The following SKIL variants were observed in gnomAD, a reference collection of about 807,000 sequenced individuals.
SKIL encodes the protein ski-like protein.
In SKIL, 20 loss-of-function variants were observed where a neutral mutation model predicts 69.6. The ratio of observed to expected loss-of-function variants is 0.29; its 90% CI spans 0.20 to 0.42. The LOEUF is 0.42. SKIL is among the 10% of genes least tolerant of loss of function. The pLI, the probability that SKIL is intolerant of heterozygous loss-of-function variation, is 1.00. For synonymous variants in SKIL, 310 were observed against 279.9 expected, an observed-to-expected ratio of 1.11 and a Z score of -1.08; for missense variants, 745 against 783.1, an observed-to-expected ratio of 0.95 and a Z score of 0.58.
At chr3:170,372,558 T>G (rs1736843939) in intron 2 of SKIL, among the ~76,000 whole-genome samples, 1 of 152,266 alleles carries the variant, frequency 6.6e-6, no homozygotes, top group Non-Finnish European at 1.5e-5. Context: ...TTTCATTTAT[T>G]GAAACACTAA....
Position 170,365,422 on chromosome 3 carries a change from A to G in SKIL, c.1098+3993A>G, listed in dbSNP as rs528558521. On this transcript the variant is annotated intron_variant, in intron 2 of 6. Coordinates refer to ENST00000259119, the MANE Select transcript of SKIL (RefSeq NM_005414.5). Reference sequence around the variant, plus strand: ...TTTTGAATGCTGACATGGCACTCACAGGAAATGCTCATTGGAGTATTTCAG... The same window carrying G: ...TTTTGAATGCTGACATGGCACTCACGGGAAATGCTCATTGGAGTATTTCAG... 2.0e-5 allele frequency among the ~76,000 whole-genome samples: 3 copies of G among 152,298 alleles called. No individual in the cohort carries two copies. The South Asian group carries it at 6.2e-4, about 32-fold the overall frequency.
Position 170,390,337 on chromosome 3 carries a change from C to T in SKIL, c.1544C>T (p.Pro515Leu), listed in dbSNP as rs770563584. 5.6e-6 allele frequency: 9 copies of T among 1,613,952 alleles called. No individual in the cohort carries two copies. Among genetic ancestry groups the T allele is most frequent in the East Asian group, 4.5e-5 (2 of 44,874 alleles). ...GIGLVAAASS[P>L]LLVKDVICED... ...GGCCTTGTTGCTGCCGCTTCATCTC[C>T]GCTTCTTGTGAAAGATGTCATTTGT... Residue 515 changes from proline to leucine, a missense_variant, in exon 5 of 7, where the codon CCG (proline) becomes CTG (leucine). By Grantham distance (98) the Pro-to-Leu change is moderately conservative. Coordinates refer to ENST00000259119, the MANE Select transcript of SKIL (RefSeq NM_005414.5).
At chr3:170,388,795 C>T (rs902383206) in intron 4 of SKIL, among the ~76,000 whole-genome samples, 4 of 151,934 alleles carry the variant, frequency 2.6e-5, no homozygotes. Context: ...CTATTTTTTT[C>T]TTGTTTTAGG....
At chr3:170,363,906 C>T (rs2108894156) in intron 2 of SKIL, among the ~76,000 whole-genome samples, 1 of 152,254 alleles carries the variant, frequency 6.6e-6, no homozygotes, top group East Asian at 1.9e-4. Context: ...ATGTGGAATG[C>T]CCCTTTTGAT....
At chr3:170,371,857 A>C (rs1238155418) in intron 2 of SKIL, among the ~76,000 whole-genome samples, 2 of 152,226 alleles carry the variant, frequency 1.3e-5, no homozygotes, top group Non-Finnish European at 2.9e-5. Context: ...GCATTAAAAA[A>C]CATAAAAACC....
At chr3:170,392,140 G>T in intron 6 of SKIL, 119 bp from the exon 7 acceptor site, 1 of 736,590 alleles carries the variant, frequency 1.4e-6, no homozygotes. Context: ...AATGGATTTA[G>T]TATACATGAA....
intron 2 of SKIL, among the ~76,000 whole-genome samples, chr3:170,371,902 C>T (rs1230240043): frequency 6.6e-6 from 1 of 152,144 alleles, no homozygotes; most frequent in African/African-American, 2.4e-5. Flanking sequence ...GAGGACATTG[C>T]ACATAGGAAG....
rs569709483 is a variant in SKIL, at chr3:170,364,877, G to T, written c.1098+3448G>T. Among the ~76,000 whole-genome samples, 3 of 152,252 alleles carry T rather than the reference G, an allele frequency of 2.0e-5. No homozygotes were observed. The East Asian group carries it at 5.8e-4, about 29-fold the overall frequency. ...TGAATACATTTTCGATTTTAGGAAG[G>T]TGTGAGTTTCTTTCTGATCTTTTTG... On this transcript the variant is annotated intron_variant, in intron 2 of 6. Transcript: ENST00000259119.
At chr3:170,385,957 T>C (rs962272160) in intron 4 of SKIL, among the ~76,000 whole-genome samples, 1 of 151,598 alleles carries the variant, frequency 6.6e-6, no homozygotes, top group Non-Finnish European at 1.5e-5. Context: ...CACACCCCGC[T>C]AATTTTGTAT....
At chr3:170,361,509 C>A in intron 2 of SKIL, 80 bp downstream of exon 2, 2 of 1,087,712 alleles carry the variant, frequency 1.8e-6, no homozygotes, top group Non-Finnish European at 2.7e-6. Context: ...TGTAACTTAA[C>A]CTGTATGTTG....
At chr3:170,382,659 G>C (rs58569895) in intron 3 of SKIL, among the ~76,000 whole-genome samples, 1 of 149,118 alleles carries the variant, frequency 6.7e-6, no homozygotes, top group South Asian at 2.1e-4. Context: ...GCCAGCCTTG[G>C]CCTCCCAAAG....
chr3:170,358,056 C>G (rs1241220078), intron 1 of SKIL, among the ~76,000 whole-genome samples: 1 of 152,038 alleles, frequency 6.6e-6, no homozygotes, highest in African/African-American at 2.4e-5. Context: ...GCGGGGACCC[C>G]GGAGACCCGG....
At chr3:170,386,382 G>T (rs142046370) in intron 4 of SKIL, among the ~76,000 whole-genome samples, 3 of 151,724 alleles carry the variant, frequency 2.0e-5, no homozygotes, top group East Asian at 1.9e-4. Context: ...CGCCTGCCTC[G>T]GCCTCCCAAA....
chr3:170,372,714 T>C (rs529948307), intron 2 of SKIL, among the ~76,000 whole-genome samples: 7 of 152,216 alleles, frequency 4.6e-5, no homozygotes, highest in Non-Finnish European at 8.8e-5. Context: ...CTTAGTATTA[T>C]ACACAGCAAA....
At chr3:170,375,217 C>G (rs1481008147) in intron 2 of SKIL, among the ~76,000 whole-genome samples, 5 of 152,158 alleles carry the variant, frequency 3.3e-5, no homozygotes, top group African/African-American at 7.2e-5. Context: ...CTTAGAAGCT[C>G]TAGTCTGACT....
At chr3:170,392,113 A>T in intron 6 of SKIL, 146 bp from the exon 7 acceptor site, 1 of 598,208 alleles carries the variant, frequency 1.7e-6, no homozygotes, top group Non-Finnish European at 2.9e-6. Flanking sequence ...ATGTCAGATT[A>T]ATAGTATTAG....
rs1239931979 is a variant in SKIL at position 170,393,834 on chromosome 3, G to A, written c.*1417G>A. The stretch of plus-strand genomic sequence containing the variant: ...TTTAAAATAAATTAGCTAGGGTTAA[G>A]GTTATATTCTATTTCCAGCATAGAA... On this transcript the variant is annotated 3_prime_UTR_variant, in exon 7 of 7. Coordinates refer to ENST00000259119, the MANE Select transcript of SKIL (RefSeq NM_005414.5). 6.6e-6 allele frequency: 1 copy of A among 152,016 alleles called. No homozygotes were observed. 9.4% of individuals were successfully genotyped at this position (152,016 alleles called of 1,614,324 possible). A position where few individuals can be genotyped will look rare whatever the true frequency, so the allele number is the denominator to read the frequency against.
chr3:170,384,969 G>GAGAT (rs1379610608), intron 4 of SKIL: 2 of 400,972 alleles, frequency 5.0e-6, no homozygotes, highest in Admixed American at 4.1e-5. Flanking sequence ...TCAGGAGACT[G>GAGAT]AGATAGATAC....
chr3:170,395,004 AAAT>A lies in SKIL; in HGVS notation c.*2591_*2593del, dbSNP rs1247876662. On this transcript the variant is annotated 3_prime_UTR_variant, in exon 7 of 7. Coordinates refer to ENST00000259119, the MANE Select transcript of SKIL (RefSeq NM_005414.5). ...AGCGGATTTTTCCTCAGACTTCAAA[AAAT>A]AATTCTTTTAAGAAAAAATGTAAAA... is the stretch of plus-strand genomic sequence containing the variant. 6.6e-6 allele frequency: 1 copy of A among 152,194 alleles called. No homozygotes were observed. The highest frequency in any genetic ancestry group is 6.5e-5 in the Admixed American group (1 of 15,286). The allele number at this position is 152,194 out of a possible 1,614,324, so 9.4% of individuals were successfully genotyped here.
Sources: allele counts gnomAD v4.1 joint callset (sites outside exome capture counted in the v4.1 genomes callset), GRCh38; gene constraint gnomAD v4.1.1; transcripts MANE v1.5; gene names NCBI Gene and HGNC (gene_info 2026-07-23, HGNC 2026-07-21).